OPCML: variants seen among roughly 807,000 people sequenced by gnomAD.
OPCML encodes the protein opioid binding protein/cell adhesion molecule like.
In OPCML, 13 loss-of-function variants were observed where a neutral mutation model predicts 37.8. That is an observed-to-expected ratio of 0.34 (90% CI 0.22 to 0.55). The LOEUF (loss-of-function observed/expected upper bound fraction) is 0.55. Ranked by LOEUF, OPCML falls within the 20% of genes least tolerant of loss-of-function variation. The probability of loss-of-function intolerance (pLI) is 0.91; values close to 1 mark genes in which losing one functional copy is unlikely to be tolerated. For synonymous variants in OPCML, 176 were observed against 168.8 expected (o/e 1.04, Z -0.33); for missense variants, 341 against 435.6 (o/e 0.78, Z 1.93).
chr11:133,085,936 G>A (rs867572351), intron 1 of OPCML, among the ~76,000 whole-genome samples: 31 of 152,236 alleles, frequency 2.0e-4, no homozygotes, highest in African/African-American at 5.3e-4. Context: ...TTAACCTGTC[G>A]GTTCATCTAA....
intron 1 of OPCML, chr11:133,008,113 T>A: frequency 1.0e-6 from 1 of 985,412 alleles, no homozygotes; most frequent in Non-Finnish European, 1.2e-6. Context: ...CTACTATGGA[T>A]CTTCAGTTCT....
At chr11:132,631,318 C>T (rs766156154) in intron 3 of OPCML, among the ~76,000 whole-genome samples, 3 of 143,166 alleles carry the variant, frequency 2.1e-5, no homozygotes, top group East Asian at 4.0e-4. Flanking sequence ...ATAATAAATA[C>T]TTAAATGTTA....
chr11:133,214,751 T>C (rs532535217), intron 1 of OPCML, among the ~76,000 whole-genome samples: 2 of 152,316 alleles, frequency 1.3e-5, no homozygotes, highest in South Asian at 2.1e-4. Context: ...ACAAATTGAA[T>C]ACTGAAACTT....
At chr11:132,808,623 G>T (rs1939155167) in intron 2 of OPCML, among the ~76,000 whole-genome samples, 1 of 152,146 alleles carries the variant, frequency 6.6e-6, no homozygotes, top group South Asian at 2.1e-4. Flanking sequence ...AATGAAACAC[G>T]ACTGTGAGCG....
intron 1 of OPCML, among the ~76,000 whole-genome samples, chr11:133,249,304 G>A (rs1056111192): frequency 6.6e-6 from 1 of 152,154 alleles, no homozygotes; most frequent in Non-Finnish European, 1.5e-5. Flanking sequence ...GGGAAAGAGA[G>A]AAAGGGGAGG....
intron 7 of OPCML, among the ~76,000 whole-genome samples, chr11:132,431,839 G>A (rs865891311): frequency 1.3e-5 from 2 of 152,220 alleles, no homozygotes; most frequent in Non-Finnish European, 2.9e-5. Context: ...GTCTGTGAGA[G>A]TAAATACAAA....
chr11:132,631,392 A>T (rs1940109126), intron 3 of OPCML, among the ~76,000 whole-genome samples: 1 of 147,456 alleles, frequency 6.8e-6, no homozygotes, highest in Non-Finnish European at 1.5e-5. Context: ...AGGTGTAAAT[A>T]TACATAAAAG....
At chr11:132,959,159 C>T (rs917896826) in intron 1 of OPCML, among the ~76,000 whole-genome samples, 3 of 152,138 alleles carry the variant, frequency 2.0e-5, no homozygotes, top group Non-Finnish European at 4.4e-5. Flanking sequence ...GCTTAGAAGA[C>T]GTTGATTCCA....
At chr11:132,629,547 T>C (rs1939967496) in intron 3 of OPCML, among the ~76,000 whole-genome samples, 1 of 152,184 alleles carries the variant, frequency 6.6e-6, no homozygotes, top group South Asian at 2.1e-4. Context: ...TTTCAGAAGT[T>C]AGTACCAAAA....
intron 1 of OPCML, among the ~76,000 whole-genome samples, chr11:133,439,688 C>A (rs539141907): frequency 6.6e-6 from 1 of 151,840 alleles, no homozygotes; most frequent in South Asian, 2.1e-4. Context: ...AGGATGGTCT[C>A]GATCTCCTGA....
chr11:132,749,594 T>C (rs1036133534), intron 2 of OPCML, among the ~76,000 whole-genome samples: 1 of 152,080 alleles, frequency 6.6e-6, no homozygotes, highest in Non-Finnish European at 1.5e-5. Flanking sequence ...GGGCTAAATG[T>C]ATATTTGTGG....
At chr11:133,326,648 A>G (rs1179024678) in intron 1 of OPCML, among the ~76,000 whole-genome samples, 5 of 44,104 alleles carry the variant, frequency 1.1e-4, no homozygotes, top group African/African-American at 1.9e-4. Context: ...GGTGTTGGGG[A>G]GTGTGGGTGT....
chr11:132,647,943 C>T lies in OPCML; in HGVS notation c.379+9144G>A, dbSNP rs113348337. Reference sequence around the variant, plus strand: ...TTAGTGAACGAAGAGTAAAAGACTTCTTGAGAAGCCAGAATAAGAATAGGG... The same window carrying T: ...TTAGTGAACGAAGAGTAAAAGACTTTTTGAGAAGCCAGAATAAGAATAGGG... On this transcript the variant is annotated intron_variant, in intron 3 of 7. Coordinates refer to ENST00000524381, the MANE Select transcript of OPCML (RefSeq NM_001012393.5). Among the ~76,000 whole-genome samples the T allele has an allele frequency of 3.0e-3, 455 of 152,304 alleles. 3 individuals carry two copies. The highest frequency in any genetic ancestry group is 0.016 in the South Asian group (78 of 4,822).
chr11:133,264,494 T>C (rs1941593348), intron 1 of OPCML, among the ~76,000 whole-genome samples: 1 of 152,192 alleles, frequency 6.6e-6, no homozygotes, highest in African/African-American at 2.4e-5. Context: ...CACAGACATG[T>C]GAACTCCTGG....
chr11:133,508,003 C>T (rs1302535232), intron 1 of OPCML, among the ~76,000 whole-genome samples: 1 of 151,694 alleles, frequency 6.6e-6, no homozygotes, highest in Non-Finnish European at 1.5e-5. Flanking sequence ...GCTGTAAGAT[C>T]GTTTTCCCCA....
intron 3 of OPCML, among the ~76,000 whole-genome samples, chr11:132,607,919 G>A (rs1475793218): frequency 6.6e-6 from 1 of 152,270 alleles, no homozygotes; most frequent in East Asian, 1.9e-4. Flanking sequence ...TTCAGTAGAG[G>A]AAATAAGAGC....
chr11:132,487,376 G>T (rs545694513), intron 4 of OPCML, among the ~76,000 whole-genome samples: 1 of 152,294 alleles, frequency 6.6e-6, no homozygotes, highest in East Asian at 1.9e-4. Flanking sequence ...GCCATCATCT[G>T]CTATAATCTC....
chr11:133,278,676 G>A (rs1368715320), intron 1 of OPCML, among the ~76,000 whole-genome samples: 7 of 151,904 alleles, frequency 4.6e-5, no homozygotes, highest in African/African-American at 7.3e-5. Context: ...TTTAGCTAAA[G>A]ATTCAAGCTA....
At chr11:133,140,601 GAAGA>G (rs1426667044) in intron 1 of OPCML, among the ~76,000 whole-genome samples, 23 of 139,650 alleles carry the variant, frequency 1.6e-4, no homozygotes, top group African/African-American at 5.1e-4. Context: ...AAAGAAGAAA[GAAGA>G]AAGAGAAGAA....
Sources: allele counts gnomAD v4.1 joint callset (sites outside exome capture counted in the v4.1 genomes callset), GRCh38; gene constraint gnomAD v4.1.1; transcripts MANE v1.5; gene names NCBI Gene and HGNC (gene_info 2026-07-23, HGNC 2026-07-21).